The following APPBP2 variants were observed in gnomAD, a reference collection of about 807,000 sequenced individuals.
The protein encoded by APPBP2 is amyloid beta precursor protein binding protein 2, also known as amyloid protein-binding protein 2.
In APPBP2, 15 loss-of-function variants were observed where a neutral mutation model predicts 76.0. The ratio of observed to expected loss-of-function variants is 0.20; its 90% CI spans 0.13 to 0.30. The LOEUF (loss-of-function observed/expected upper bound fraction) is 0.30. APPBP2 is among the 10% of genes least tolerant of loss of function. The probability of loss-of-function intolerance (pLI) is 1.00; values close to 1 mark genes in which losing one functional copy is unlikely to be tolerated. For synonymous variants in APPBP2, 222 were observed against 242.2 expected, an observed-to-expected ratio of 0.92 and a Z score of 0.77; for missense variants, 401 against 687.2, an observed-to-expected ratio of 0.58 and a Z score of 4.66.
At chr17:60,508,115 G>A (rs1465600562) in intron 1 of APPBP2, among the ~76,000 whole-genome samples, 1 of 152,080 alleles carries the variant, frequency 6.6e-6, no homozygotes, top group Non-Finnish European at 1.5e-5. Context: ...TGGGACTACA[G>A]GTGCGAGCCA....
chr17:60,477,797 G>A (rs2090601280), intron 4 of APPBP2, among the ~76,000 whole-genome samples: 1 of 142,216 alleles, frequency 7.0e-6, no homozygotes, highest in African/African-American at 2.8e-5. Flanking sequence ...AAATCCAACT[G>A]GCCAAAAAAA....
At chr17:60,463,898 T>TA in intron 6 of APPBP2, 123 bp downstream of exon 6, 1 of 598,014 alleles carries the variant, frequency 1.7e-6, no homozygotes, top group Admixed American at 3.7e-5. Context: ...CAGAAACTTA[T>TA]AAAACAGACC....
At chr17:60,469,742 T>C (rs1373603577) in intron 4 of APPBP2, among the ~76,000 whole-genome samples, 1 of 152,208 alleles carries the variant, frequency 6.6e-6, no homozygotes, top group African/African-American at 2.4e-5. Context: ...TGTATGTGTA[T>C]ATATGTAAAT....
chr17:60,471,838 G>A (rs1325693477), intron 4 of APPBP2, among the ~76,000 whole-genome samples: 1 of 152,090 alleles, frequency 6.6e-6, no homozygotes, highest in Non-Finnish European at 1.5e-5. Flanking sequence ...TTTAAAACGA[G>A]TTAGGGGCTG....
At chr17:60,515,209 G>A (rs942260669) in intron 1 of APPBP2, among the ~76,000 whole-genome samples, 5 of 149,040 alleles carry the variant, frequency 3.4e-5, no homozygotes, top group Non-Finnish European at 5.9e-5. Context: ...TCCACCTCCT[G>A]GGTTCAAGCA....
At chr17:60,505,358 T>C (rs765888116) in intron 1 of APPBP2, among the ~76,000 whole-genome samples, 7 of 152,344 alleles carry the variant, frequency 4.6e-5, no homozygotes, top group East Asian at 1.9e-4. Flanking sequence ...CTCTGTCGCC[T>C]AGGTTGGAGT....
rs2143254813 is a variant in APPBP2 at position 60,443,358 on chromosome 17, T to TA, written c.*4222dup. ...TCTTCAAAAATCTATTTAATGACCT[T>TA]AGATATTTCTATAGAAATTATTGTG... On this transcript the variant is annotated 3_prime_UTR_variant, in exon 13 of 13. Coordinates refer to ENST00000083182, the MANE Select transcript of APPBP2 (RefSeq NM_006380.5). 1 of 152,764 alleles carries TA rather than the reference T, an allele frequency of 6.5e-6. No individual in the cohort carries two copies. The highest frequency in any genetic ancestry group is 1.5e-5 in the Non-Finnish European group (1 of 68,028). 9.5% of individuals were successfully genotyped at this position (152,764 alleles called of 1,614,324 possible). A position where few individuals can be genotyped will look rare whatever the true frequency, so the allele number is the denominator to read the frequency against.
At chr17:60,454,015 G>T (rs2090415354) in intron 11 of APPBP2, among the ~76,000 whole-genome samples, 2 of 152,054 alleles carry the variant, frequency 1.3e-5, no homozygotes, top group Non-Finnish European at 2.9e-5. Flanking sequence ...AGGAAGACAG[G>T]CATGTGCCAC....
At position 60,526,170 on chromosome 17, in the gene APPBP2, T is replaced by C; in HGVS notation, c.-239A>G. On this transcript the variant is annotated 5_prime_UTR_variant, in exon 1 of 13. Transcript: ENST00000083182. ...ACAGCGGCCAGCCAGGCCAAAAGCG[T>C]CACAATCCCGGTTCGAGAGGAACCC... 1 of 525,152 alleles carries C rather than the reference T, an allele frequency of 1.9e-6. No individual in the cohort carries two copies. The allele number at this position is 525,152 out of a possible 1,614,324, so 32.5% of individuals were successfully genotyped here.
intron 1 of APPBP2, among the ~76,000 whole-genome samples, chr17:60,510,733 T>C (rs1382256613): frequency 1.3e-5 from 2 of 152,132 alleles, no homozygotes; most frequent in African/African-American, 2.4e-5. Context: ...AAAAAAATCA[T>C]CTGAAATGTA....
At chr17:60,451,665 G>A (rs1041861711) in intron 12 of APPBP2, among the ~76,000 whole-genome samples, 9 of 152,002 alleles carry the variant, frequency 5.9e-5, no homozygotes, top group Non-Finnish European at 1.3e-4. Flanking sequence ...TTTTAGTAGA[G>A]ATGGGGTTTC....
At chr17:60,524,432 A>G (rs1169341389) in intron 1 of APPBP2, among the ~76,000 whole-genome samples, 1 of 152,188 alleles carries the variant, frequency 6.6e-6, no homozygotes, top group Non-Finnish European at 1.5e-5. Context: ...ACAAAAGTAA[A>G]TCAATGTATC....
chr17:60,444,557 T>G lies in APPBP2; in HGVS notation c.*3024A>C, dbSNP rs148563651. ...GTCTTTCTCAAATTATTTTCACAAGTGAAAAAATACCTGGGCAGGGGTTAC... is the reference window on the plus strand; with the variant it reads ...GTCTTTCTCAAATTATTTTCACAAGGGAAAAAATACCTGGGCAGGGGTTAC... On this transcript the variant is annotated 3_prime_UTR_variant, in exon 13 of 13. Coordinates refer to ENST00000083182, the MANE Select transcript of APPBP2 (RefSeq NM_006380.5). 10 of 152,032 alleles carry G rather than the reference T, an allele frequency of 6.6e-5. No homozygotes were observed. In the East Asian group the frequency reaches 1.9e-3, roughly 29 times the overall value. The allele number at this position is 152,032 out of a possible 1,614,324, so 9.4% of individuals were successfully genotyped here.
chr17:60,471,774 T>C (rs1278033298), intron 4 of APPBP2, among the ~76,000 whole-genome samples: 1 of 152,166 alleles, frequency 6.6e-6, no homozygotes, highest in Non-Finnish European at 1.5e-5. Context: ...TCGTCTGAAA[T>C]TGCCTTTTTT....
intron 1 of APPBP2, chr17:60,513,403 A>G: frequency 1.5e-6 from 1 of 672,568 alleles, no homozygotes; most frequent in Non-Finnish European, 2.8e-6. Context: ...AATGCTTGTG[A>G]TCACCTATCG....
chr17:60,466,719 T>C (rs2090514062), intron 4 of APPBP2, among the ~76,000 whole-genome samples: 1 of 152,042 alleles, frequency 6.6e-6, no homozygotes, highest in Non-Finnish European at 1.5e-5. Context: ...GTACTCAGCA[T>C]GTACTGCATC....
Position 60,456,413 on chromosome 17 carries a change from C to A in APPBP2, c.1062-32G>T, listed in dbSNP as rs769270477. 1.9e-5 allele frequency: 26 copies of A among 1,337,996 alleles called. No homozygotes were observed. In the South Asian group the frequency reaches 3.1e-4, roughly 16 times the overall value. 82.9% of individuals were successfully genotyped at this position (1,337,996 alleles called of 1,614,324 possible). ...TACAGATAGATACAGTCTGGCATTT[C>A]TTTTTAGTTACAAATGATTTAGGAA... On this transcript the variant is annotated intron_variant, in intron 9 of 12. Transcript: ENST00000083182.
intron 3 of APPBP2, 54 bp from the exon 4 acceptor site, chr17:60,479,325 TA>T: frequency 6.5e-7 from 1 of 1,532,288 alleles, no homozygotes; most frequent in Non-Finnish European, 8.8e-7. Flanking sequence ...GCCTGCAAGA[TA>T]AAATGACATG....
intron 1 of APPBP2, among the ~76,000 whole-genome samples, chr17:60,516,224 C>T (rs1188223028): frequency 6.6e-6 from 1 of 151,982 alleles, no homozygotes; most frequent in Non-Finnish European, 1.5e-5. Flanking sequence ...GGTATCCAAT[C>T]TGATTCCAAG....
Sources: allele counts gnomAD v4.1 joint callset (sites outside exome capture counted in the v4.1 genomes callset), GRCh38; gene constraint gnomAD v4.1.1; transcripts MANE v1.5; gene names NCBI Gene and HGNC (gene_info 2026-07-23, HGNC 2026-07-21).